Variants in ICA1L observed in about 807,000 individuals in gnomAD.
The protein encoded by ICA1L is islet cell autoantigen 1 like.
A neutral mutation model predicts 61.3 loss-of-function variants in ICA1L; 50 were observed. That is an observed-to-expected ratio of 0.82 (90% CI 0.65 to 1.03). The LOEUF is 1.03. ICA1L is among the 50% of genes least tolerant of loss of function. The pLI is 0.00. For synonymous variants in ICA1L, 161 were observed against 191.3 expected, an observed-to-expected ratio of 0.84 and a Z score of 1.31; for missense variants, 508 against 556.7, an observed-to-expected ratio of 0.91 and a Z score of 0.88.
intron 1 of ICA1L, among the ~76,000 whole-genome samples, chr2:202,851,710 G>T (rs1021567718): frequency 2.0e-5 from 3 of 152,148 alleles, no homozygotes; most frequent in Non-Finnish European, 4.4e-5. Context: ...ATTCTAACTG[G>T]TGTCAGATGG....
At chr2:202,780,233 C>A (rs1202751036) in intron 12 of ICA1L, among the ~76,000 whole-genome samples, 1 of 152,168 alleles carries the variant, frequency 6.6e-6, no homozygotes, top group East Asian at 1.9e-4. Flanking sequence ...AGGGAAAAAA[C>A]TCCCCCTAAT....
chr2:202,802,347 T>C (rs934130494), intron 9 of ICA1L, among the ~76,000 whole-genome samples: 1 of 152,016 alleles, frequency 6.6e-6, no homozygotes, highest in African/African-American at 2.4e-5. Context: ...ACCATAAGCT[T>C]ATTAGAGTTC....
intron 11 of ICA1L, 72 bp downstream of exon 11, chr2:202,788,758 C>CA (rs1692662630): frequency 1.3e-6 from 2 of 1,501,044 alleles, no homozygotes; most frequent in Non-Finnish European, 1.8e-6. Context: ...GTTCTAGCAT[C>CA]AATAAGCACA....
In ICA1L at chr2:202,774,095, C is replaced by G. The variant is rs564559979; in HGVS notation, c.*5438G>C. On this transcript the variant is annotated 3_prime_UTR_variant, in exon 13 of 13. Coordinates refer to ENST00000358299, the MANE Select transcript of ICA1L (RefSeq NM_001288622.3). ...GCCTAATATGATAATATTAGGAATCCCATCAATGATTGGATAAGCTATTCT... is the reference window on the plus strand; with the variant it reads ...GCCTAATATGATAATATTAGGAATCGCATCAATGATTGGATAAGCTATTCT... The G allele has an allele frequency of 6.2e-6, 7 of 1,120,648 alleles. No homozygotes were observed. In the South Asian group the frequency reaches 9.5e-5, roughly 15 times the overall value. 69.4% of individuals were successfully genotyped at this position (1,120,648 alleles called of 1,614,324 possible).
intron 9 of ICA1L, among the ~76,000 whole-genome samples, chr2:202,800,159 G>A (rs952419572): frequency 4.6e-5 from 7 of 152,188 alleles, no homozygotes; most frequent in Admixed American, 1.3e-4. Context: ...GGGATTACAA[G>A]TGTGAGCCAC....
intron 1 of ICA1L, chr2:202,841,860 A>ATTT: frequency 1.1e-4 from 23 of 218,216 alleles, no homozygotes; most frequent in South Asian, 3.6e-4. Context: ...TTCTTGGTCT[A>ATTT]TTTTTTTTTT....
chr2:202,827,170 G>A (rs1490455900), intron 2 of ICA1L, among the ~76,000 whole-genome samples: 1 of 152,168 alleles, frequency 6.6e-6, no homozygotes, highest in African/African-American at 2.4e-5. Flanking sequence ...GAGGCGGGTG[G>A]ATCGCCTGAG....
rs1434228463 is a variant in ICA1L at position 202,774,686 on chromosome 2, AG to A, written c.*4846del. 3 of 186,590 alleles carry A rather than the reference AG, an allele frequency of 1.6e-5. No homozygotes were observed. The highest frequency in any genetic ancestry group is 7.0e-5 in the African/African-American group (3 of 42,740). 11.6% of individuals were successfully genotyped at this position (186,590 alleles called of 1,614,324 possible). On this transcript the variant is annotated 3_prime_UTR_variant, in exon 13 of 13. Transcript: ENST00000358299. Reference sequence around the variant, plus strand: ...GGCAGGAGCCTTTGGGTCAGGGAGAAGCACACAAGAAAAAGAGAATTTCACT... The same window carrying A: ...GGCAGGAGCCTTTGGGTCAGGGAGAACACACAAGAAAAAGAGAATTTCACT...
chr2:202,807,688 C>T (rs747782080), intron 9 of ICA1L, among the ~76,000 whole-genome samples: 2 of 152,080 alleles, frequency 1.3e-5, no homozygotes, highest in Non-Finnish European at 2.9e-5. Flanking sequence ...CCAGGCAGTG[C>T]AGCTTACAGC....
chr2:202,850,117 C>G (rs949498879), intron 1 of ICA1L, among the ~76,000 whole-genome samples: 4 of 152,050 alleles, frequency 2.6e-5, no homozygotes, highest in Admixed American at 2.6e-4. Flanking sequence ...AAAGGACCCC[C>G]ATACAAAAAC....
At chr2:202,786,956 T>C (rs75596726) in intron 11 of ICA1L, among the ~76,000 whole-genome samples, 5,838 of 152,282 alleles carry the variant, frequency 0.038, 365 homozygotes, top group African/African-American at 0.13. Flanking sequence ...GAAAGGAATT[T>C]AGATTATCCT....
intron 1 of ICA1L, among the ~76,000 whole-genome samples, chr2:202,858,097 T>G (rs141960572): frequency 0.015 from 2,334 of 152,316 alleles, 27 homozygotes; most frequent in Non-Finnish European, 0.026. Context: ...AAATACCATT[T>G]GACCCAGCAA....
intron 1 of ICA1L, chr2:202,870,431 T>C (rs1687665669): frequency 6.6e-6 from 1 of 152,192 alleles, no homozygotes; most frequent in African/African-American, 2.4e-5. Flanking sequence ...CATTTTGAAC[T>C]ATTAAATAAA....
chr2:202,855,989 G>A (rs1694758037), intron 1 of ICA1L, among the ~76,000 whole-genome samples: 1 of 149,028 alleles, frequency 6.7e-6, no homozygotes, highest in African/African-American at 2.5e-5. Flanking sequence ...CAGAGAACTG[G>A]TTGAATCCGG....
At chr2:202,796,717 CAT>C (rs905983450) in intron 10 of ICA1L, among the ~76,000 whole-genome samples, 171 bp downstream of exon 10, 1 of 152,114 alleles carries the variant, frequency 6.6e-6, no homozygotes, top group Non-Finnish European at 1.5e-5. Context: ...AGGACCCAAA[CAT>C]ATAAAACAAA....
At chr2:202,798,839 T>C (rs1245457925) in intron 9 of ICA1L, among the ~76,000 whole-genome samples, 1 of 152,202 alleles carries the variant, frequency 6.6e-6, no homozygotes, top group Admixed American at 6.5e-5. Context: ...GTGATCAAAA[T>C]TTTTAGCTCC....
chr2:202,817,581 C>G (rs72932772), intron 5 of ICA1L, 38 bp from the exon 6 acceptor site: 137,472 of 1,240,598 alleles, frequency 0.11, 8,554 homozygotes, highest in Non-Finnish European at 0.13. Flanking sequence ...CAGATATATA[C>G]TATAAATATA....
At chr2:202,865,191 G>A (rs114463208) in intron 1 of ICA1L, among the ~76,000 whole-genome samples, 3,876 of 151,352 alleles carry the variant, frequency 0.026, 184 homozygotes, top group African/African-American at 0.089. Context: ...CTCTTTGGCC[G>A]GGCATGGTGG....
At chr2:202,868,845 G>C (rs1396330311) in intron 1 of ICA1L, among the ~76,000 whole-genome samples, 1 of 151,986 alleles carries the variant, frequency 6.6e-6, no homozygotes, top group Non-Finnish European at 1.5e-5. Context: ...GCATGTGCTT[G>C]TAGTCCCAGC....
Sources: gnomAD v4.1 joint callset for allele counts (sites outside exome capture counted in the v4.1 genomes callset) on GRCh38, gnomAD v4.1.1 for gene constraint, MANE v1.5 for transcripts, NCBI Gene and HGNC (gene_info 2026-07-23, HGNC 2026-07-21) for gene names.